The following CDC42BPB variants were observed in gnomAD, a reference collection of about 807,000 sequenced individuals.
CDC42BPB encodes the protein CDC42 binding protein kinase beta, also known as serine/threonine-protein kinase MRCK beta.
CDC42BPB carries 37 observed loss-of-function variants against 214.9 expected under a neutral mutation model. The observed-to-expected ratio is 0.17, with a 90% CI of 0.13 to 0.23. The LOEUF (loss-of-function observed/expected upper bound fraction) is 0.23, where lower values mean the gene tolerates loss of function less well. CDC42BPB is among the 10% of genes least tolerant of loss of function. The probability of loss-of-function intolerance (pLI) is 1.00; values close to 1 mark genes in which losing one functional copy is unlikely to be tolerated. For missense variants in CDC42BPB, 1,694 were observed against 2,227.0 expected (o/e 0.76, Z 4.82); for synonymous variants, 931 against 884.0 (o/e 1.05, Z -0.94).
intron 21 of CDC42BPB, among the ~76,000 whole-genome samples, chr14:102,955,039 C>A (rs974884656): frequency 2.0e-5 from 3 of 152,234 alleles, no homozygotes; most frequent in Non-Finnish European, 2.9e-5. Context: ...AGCCTCCTTG[C>A]CCCGGTCACT....
At chr14:102,998,252 A>G (rs1001895079) in intron 5 of CDC42BPB, among the ~76,000 whole-genome samples, 8 of 152,242 alleles carry the variant, frequency 5.3e-5, no homozygotes, top group Non-Finnish European at 1.0e-4. Context: ...TAAAATTTCA[A>G]TTTCATAGAT....
chr14:102,943,487 G>A lies in CDC42BPB; in HGVS notation c.4408+404C>T, dbSNP rs778943862. Among the ~76,000 whole-genome samples, 7 of 152,078 alleles carry A rather than the reference G, an allele frequency of 4.6e-5. No homozygotes were observed. The highest frequency in any genetic ancestry group is 8.8e-5 in the Non-Finnish European group (6 of 68,020). On this transcript the variant is annotated intron_variant, in intron 30 of 36. Transcript: ENST00000361246. This position sits in a 1 kb window ranked among gnomAD's most constrained non-coding sequence, Gnocchi z 4.6. ...AGACACCAGAGGTGAATTATTTTCT[G>A]GCCACCAAAACCCCTCAAGCTTGTC... is the stretch of plus-strand genomic sequence containing the variant.
intron 5 of CDC42BPB, among the ~76,000 whole-genome samples, chr14:102,991,746 G>C (rs1385458101): frequency 6.6e-6 from 1 of 152,106 alleles, no homozygotes; most frequent in Non-Finnish European, 1.5e-5. Context: ...TTTTTGTACC[G>C]TTCTTGCAAC....
At chr14:102,985,956 G>A (rs35106689) in intron 6 of CDC42BPB, among the ~76,000 whole-genome samples, 36,058 of 152,154 alleles carry the variant, frequency 0.24, 5,373 homozygotes, top group Non-Finnish European at 0.33. Flanking sequence ...GGTGATAGCC[G>A]ATCCGGGGGC....
chr14:103,023,307 A>C (rs377351858), intron 1 of CDC42BPB, among the ~76,000 whole-genome samples: 79 of 151,872 alleles, frequency 5.2e-4, no homozygotes, highest in African/African-American at 1.8e-3. Context: ...AGCTGGGATT[A>C]CAGGTGCCTG....
chr14:102,958,525 C>T (rs189112804), intron 21 of CDC42BPB, among the ~76,000 whole-genome samples: 121 of 152,214 alleles, frequency 7.9e-4, no homozygotes, highest in Non-Finnish European at 9.1e-4. Flanking sequence ...ATATGCTTTG[C>T]GTGCTGCTAT....
rs1219600342 is a variant in CDC42BPB at position 102,943,524 on chromosome 14, G to GT, written c.4408+366dup. Among the ~76,000 whole-genome samples the GT allele has an allele frequency of 6.6e-6, 1 of 151,938 alleles. No homozygotes were observed. The highest frequency in any genetic ancestry group is 6.6e-5 in the Admixed American group (1 of 15,258). On this transcript the variant is annotated intron_variant, in intron 30 of 36. Coordinates refer to ENST00000361246, the MANE Select transcript of CDC42BPB (RefSeq NM_006035.4). The surrounding 1 kb of genome is among the most constrained non-coding windows in gnomAD (Gnocchi z 4.6). ...CCCTCAAGCTTGTCTTTACTACTGT[G>GT]TAAGTTTCTGTATTATCACGAGGAA...
At chr14:102,969,023 G>T in intron 14 of CDC42BPB, 1 of 386,272 alleles carries the variant, frequency 2.6e-6, no homozygotes, top group Non-Finnish European at 3.5e-6. Flanking sequence ...CCCCCTCCTT[G>T]TGACTGGGGT....
intron 5 of CDC42BPB, among the ~76,000 whole-genome samples, chr14:102,987,746 G>C (rs1244146319): frequency 6.7e-6 from 1 of 148,452 alleles, no homozygotes; most frequent in Non-Finnish European, 1.5e-5. Flanking sequence ...AAACATTCAG[G>C]AATACGAAAA....
chr14:102,964,158 C>T (rs1318119774), intron 19 of CDC42BPB, among the ~76,000 whole-genome samples: 3 of 152,226 alleles, frequency 2.0e-5, no homozygotes, highest in Non-Finnish European at 2.9e-5. Flanking sequence ...TGGAGCGGCA[C>T]GGAGGTGACT....
chr14:102,952,488 C>T lies in CDC42BPB; in HGVS notation c.3172+10G>A, dbSNP rs1443341795. On this transcript the variant is annotated intron_variant, in intron 24 of 36. Transcript: ENST00000361246. ...TGCACGCTGACCCCAGGAGCTGCAA[C>T]GACACTCACCCTCGCAGGCGTAGCC... The T allele has an allele frequency of 1.4e-5, 22 of 1,585,122 alleles. No homozygotes were observed. The highest frequency in any genetic ancestry group is 2.2e-5 in the South Asian group (2 of 89,660).
chr14:102,951,852 T>C (rs1444113803), intron 24 of CDC42BPB, among the ~76,000 whole-genome samples: 3 of 152,108 alleles, frequency 2.0e-5, no homozygotes, highest in Admixed American at 6.6e-5. Context: ...CAAATAATTG[T>C]GGTTATCTTT....
At position 103,037,292 on chromosome 14, in the gene CDC42BPB, C is replaced by G. The variant is rs190051671; in HGVS notation, c.175+19707G>C. Among the ~76,000 whole-genome samples the G allele has an allele frequency of 2.6e-5, 4 of 152,050 alleles. No homozygotes were observed. In the East Asian group the frequency reaches 7.8e-4, roughly 30 times the overall value. On this transcript the variant is annotated intron_variant, in intron 1 of 36. Transcript: ENST00000361246. ...CTGCTTAAATTTATTTTATCATGAG[C>G]ACGCTTTTCTTTTTCTTTTTGACAG...
At chr14:103,040,553 G>A (rs997423134) in intron 1 of CDC42BPB, among the ~76,000 whole-genome samples, 9 of 151,852 alleles carry the variant, frequency 5.9e-5, no homozygotes, top group African/African-American at 2.2e-4. Flanking sequence ...CTGCCTCCCG[G>A]GTTCAGGCGA....
chr14:103,027,471 A>G (rs1887116977), intron 1 of CDC42BPB, among the ~76,000 whole-genome samples: 1 of 152,242 alleles, frequency 6.6e-6, no homozygotes, highest in African/African-American at 2.4e-5. Context: ...GAAAACCGAA[A>G]TGTCCATCAA....
intron 1 of CDC42BPB, among the ~76,000 whole-genome samples, chr14:103,031,990 ATT>A (rs1192491008): frequency 7.6e-6 from 1 of 131,606 alleles, no homozygotes; most frequent in African/African-American, 3.6e-5. Flanking sequence ...TATTATTATT[ATT>A]TTTTTTTTTT....
chr14:102,968,534 C>G lies in CDC42BPB; in HGVS notation c.2178G>C (p.Gln726His). 6.2e-7 allele frequency: 1 copy of G among 1,614,232 alleles called. No individual in the cohort carries two copies. Among genetic ancestry groups the G allele is most frequent in the South Asian group, 1.1e-5 (1 of 91,086 alleles). The change falls in exon 15 of 37, where the codon CAG becomes CAC. Residue 726 changes from glutamine to histidine, a missense_variant. Around this residue, in one of 7 missense-constraint regions of CDC42BPB, gnomAD observed 462 missense variants for 513.5 expected, o/e 0.90. Coordinates refer to ENST00000361246, the MANE Select transcript of CDC42BPB (RefSeq NM_006035.4). ...TCAAGATTTCTTTCTGCAGGGCCAG[C>G]TGGTGGCTTTCTGAATCATGCACCT... is the stretch of plus-strand genomic sequence containing the variant. ...KKEVHDSESH[Q>H]LALQKEILML...
chr14:102,973,342 G>C (rs1451512140), intron 12 of CDC42BPB, among the ~76,000 whole-genome samples: 3 of 152,264 alleles, frequency 2.0e-5, no homozygotes, highest in African/African-American at 7.2e-5. Context: ...ACAGGTTCAA[G>C]AATAACATGT....
intron 34 of CDC42BPB, 140 bp from the exon 35 acceptor site, chr14:102,938,551 C>A: frequency 7.0e-7 from 1 of 1,426,944 alleles, no homozygotes; most frequent in East Asian, 2.6e-5. Context: ...CTGGATTGGA[C>A]AAGGGTTCTG....
Sources: gnomAD v4.1 joint callset for allele counts (sites outside exome capture counted in the v4.1 genomes callset) on GRCh38, gnomAD v4.1.1 for gene constraint, gnomAD v4.1.1 regional missense constraint, Gnocchi (gnomAD v3.1) non-coding constraint, MANE v1.5 for transcripts, NCBI Gene and HGNC (gene_info 2026-07-23, HGNC 2026-07-21) for gene names.